LDB2: variants seen among roughly 807,000 people sequenced by gnomAD.
The protein encoded by LDB2 is LIM domain-binding protein 2.
LDB2 carries 12 observed loss-of-function variants against 44.3 expected under a neutral mutation model. The observed-to-expected ratio is 0.27, with a 90% CI of 0.17 to 0.44. LDB2 has a LOEUF of 0.44. Ranked by LOEUF, LDB2 falls within the 20% of genes least tolerant of loss-of-function variation. The probability of loss-of-function intolerance (pLI) is 1.00; values close to 1 mark genes in which losing one functional copy is unlikely to be tolerated. For missense variants in LDB2, 344 were observed against 473.5 expected (o/e 0.73, Z 2.54); for synonymous variants, 164 against 174.8 (o/e 0.94, Z 0.49).
intron 7 of LDB2, 65 bp downstream of exon 7, chr4:16,508,470 T>G: frequency 7.5e-7 from 1 of 1,324,540 alleles, no homozygotes; most frequent in Non-Finnish European, 1.0e-6. Flanking sequence ...GAGACTTTAA[T>G]TTGGGCCCTT....
Position 16,595,811 on chromosome 4 carries a change from C to T in LDB2, c.300G>A (p.Leu100=), listed in dbSNP as rs371033382. 4 of 1,613,618 alleles carry T rather than the reference C, an allele frequency of 2.5e-6. No individual in the cohort carries two copies. The highest frequency in any genetic ancestry group is 2.2e-5 in the South Asian group (2 of 91,030). Residue 100 remains leucine (L), a synonymous_variant, in exon 3 of 8, where the codon CTG becomes CTA. Coordinates refer to ENST00000304523, the MANE Select transcript of LDB2 (RefSeq NM_001290.5). ...CTTTCGAGTGTTTGAGAATGTAATA[C>T]AGGTCGGTCACCCCTCCTTCAAACA... ...STVFEGGVTD[L]YYILKHSKES... is the part of the protein sequence containing the mutation.
At chr4:16,838,076 C>T (rs745747252) in intron 1 of LDB2, among the ~76,000 whole-genome samples, 6 of 152,186 alleles carry the variant, frequency 3.9e-5, no homozygotes, top group Admixed American at 2.0e-4. Flanking sequence ...GAAAGCTTGA[C>T]TTGATTTGCA....
intron 7 of LDB2, chr4:16,506,062 ACACAGAC>A: frequency 6.8e-7 from 1 of 1,461,302 alleles, no homozygotes; most frequent in Non-Finnish European, 9.2e-7. Context: ...CGCAGCAGCT[ACACAGAC>A]CACAGCTGTG....
chr4:16,742,854 A>T (rs1348806660), intron 2 of LDB2, among the ~76,000 whole-genome samples: 2 of 151,810 alleles, frequency 1.3e-5, no homozygotes, highest in East Asian at 3.9e-4. Context: ...TGCTTCTTCC[A>T]CTCCGTTTCT....
intron 2 of LDB2, among the ~76,000 whole-genome samples, chr4:16,717,309 G>A (rs140629836): frequency 0.011 from 1,657 of 152,154 alleles, 30 homozygotes; most frequent in African/African-American, 0.037. Context: ...TTATTCTGCA[G>A]GTCAGAAAAA....
In LDB2 at chr4:16,552,058, C is replaced by T. The variant is rs77564892; in HGVS notation, c.615+33864G>A. Among the ~76,000 whole-genome samples the T allele has an allele frequency of 4.2e-3, 638 of 152,060 alleles. 6 individuals carry two copies. Among genetic ancestry groups the T allele is most frequent in the African/African-American group, 0.015 (607 of 41,472 alleles). ...TATTTGTAGGCTGTCTTCTAGGTCCCGGGGGTAGATTGTGGAAAAATAAAT... is the reference window on the plus strand; with the variant it reads ...TATTTGTAGGCTGTCTTCTAGGTCCTGGGGGTAGATTGTGGAAAAATAAAT... On this transcript the variant is annotated intron_variant, in intron 5 of 7. Coordinates refer to ENST00000304523, the MANE Select transcript of LDB2 (RefSeq NM_001290.5).
rs139072351 is a variant in LDB2 at position 16,595,626 on chromosome 4, T to C, written c.408+77A>G. ...GATGAGCAATCGGCCCCAGGTTCCA[T>C]AGGAAAACCATAATTATTATTCTTT... On this transcript the variant is annotated intron_variant, in intron 3 of 7. Transcript: ENST00000304523. 3.3e-4 allele frequency: 452 copies of C among 1,379,648 alleles called. 4 individuals are homozygous for C. In the African/African-American group the frequency reaches 5.0e-3, roughly 15 times the overall value. The allele number at this position is 1,379,648 out of a possible 1,614,324, so 85.5% of individuals were successfully genotyped here. A position where few individuals can be genotyped will look rare whatever the true frequency, so the allele number is the denominator to read the frequency against.
chr4:16,838,506 C>A (rs547123068), intron 1 of LDB2, among the ~76,000 whole-genome samples: 49 of 152,298 alleles, frequency 3.2e-4, no homozygotes, highest in South Asian at 1.2e-3. Context: ...GTCTGTGAAA[C>A]CTACAGCTGA....
intron 5 of LDB2, among the ~76,000 whole-genome samples, chr4:16,512,938 C>A (rs940295384): frequency 1.3e-5 from 2 of 152,120 alleles, no homozygotes; most frequent in South Asian, 4.1e-4. Context: ...ATCAGAATAC[C>A]ACTGCATTGA....
chr4:16,831,479 C>T (rs1784069339), intron 1 of LDB2, among the ~76,000 whole-genome samples: 1 of 151,948 alleles, frequency 6.6e-6, no homozygotes. Context: ...GCAAAAAGTC[C>T]CTATGGTGGT....
chr4:16,851,562 C>A (rs573382450), intron 1 of LDB2, among the ~76,000 whole-genome samples: 1 of 151,218 alleles, frequency 6.6e-6, no homozygotes, highest in Non-Finnish European at 1.5e-5. Context: ...CCACTGCACT[C>A]CAGTCTGGGT....
rs79074041 is a variant in LDB2 at position 16,624,057 on chromosome 4, T to C, written c.236-28182A>G. On this transcript the variant is annotated intron_variant, in intron 2 of 7. Transcript: ENST00000304523. Reference sequence around the variant, plus strand: ...CTTCACAAAGGTACCAGTACCATTATTGTTATTACAAATTATGTTAATAAA... The same window carrying C: ...CTTCACAAAGGTACCAGTACCATTACTGTTATTACAAATTATGTTAATAAA... 2.2e-3 allele frequency among the ~76,000 whole-genome samples: 330 copies of C among 152,326 alleles called. 1 individual carries two copies. Among genetic ancestry groups the C allele is most frequent in the African/African-American group, 7.6e-3 (316 of 41,570 alleles).
intron 1 of LDB2, among the ~76,000 whole-genome samples, chr4:16,790,515 T>A (rs1021889489): frequency 2.6e-5 from 4 of 151,814 alleles, no homozygotes; most frequent in Admixed American, 6.6e-5. Flanking sequence ...AGGAAAAAAA[T>A]ATATAAATAA....
At chr4:16,727,779 T>C (rs994942715) in intron 2 of LDB2, among the ~76,000 whole-genome samples, 3 of 152,238 alleles carry the variant, frequency 2.0e-5, no homozygotes, top group Non-Finnish European at 2.9e-5. Context: ...AGTCTTCATT[T>C]TTCATTTCTT....
At chr4:16,702,392 C>T (rs2152635913) in intron 2 of LDB2, among the ~76,000 whole-genome samples, 1 of 152,270 alleles carries the variant, frequency 6.6e-6, no homozygotes, top group African/African-American at 2.4e-5. Context: ...CCGTTCCCCT[C>T]CCACTCCCCT....
intron 5 of LDB2, among the ~76,000 whole-genome samples, chr4:16,571,389 C>T (rs1746475179): frequency 6.6e-6 from 1 of 151,594 alleles, no homozygotes; most frequent in South Asian, 2.1e-4. Flanking sequence ...TTTTTGATCC[C>T]ATTATGCTTA....
chr4:16,717,769 T>A (rs1757390363), intron 2 of LDB2, among the ~76,000 whole-genome samples: 1 of 152,162 alleles, frequency 6.6e-6, no homozygotes, highest in Non-Finnish European at 1.5e-5. Flanking sequence ...CCCACGCATT[T>A]ATGCCCTTTA....
At chr4:16,586,683 T>G (rs924130681) in intron 4 of LDB2, among the ~76,000 whole-genome samples, 2 of 152,174 alleles carry the variant, frequency 1.3e-5, no homozygotes, top group African/African-American at 2.4e-5. Context: ...AGCCACATTT[T>G]AAGAAGGGAT....
At chr4:16,653,000 A>G (rs753754548) in intron 2 of LDB2, among the ~76,000 whole-genome samples, 1 of 152,198 alleles carries the variant, frequency 6.6e-6, no homozygotes, top group Non-Finnish European at 1.5e-5. Flanking sequence ...ACATTAATTT[A>G]TGCCACTTTG....
Sources: gnomAD v4.1 joint callset for allele counts (sites outside exome capture counted in the v4.1 genomes callset) on GRCh38, gnomAD v4.1.1 for gene constraint, MANE v1.5 for transcripts, NCBI Gene and HGNC (gene_info 2026-07-23, HGNC 2026-07-21) for gene names.